The following ZNF341 variants were observed in gnomAD, a reference collection of about 807,000 sequenced individuals.
ZNF341 encodes the protein zinc finger protein 341.
ZNF341 carries 52 observed loss-of-function variants against 87.7 expected under a neutral mutation model. The observed-to-expected ratio is 0.59, with a 90% CI of 0.47 to 0.75. The LOEUF is 0.75. Ranked by LOEUF, ZNF341 falls within the 30% of genes least tolerant of loss-of-function variation. ZNF341 has a pLI of 0.00. For missense variants in ZNF341, 977 were observed against 1,145.9 expected (o/e 0.85, Z 2.13); for synonymous variants, 459 against 472.7 (o/e 0.97, Z 0.38).
Position 33,757,092 on chromosome 20 carries a change from G to A in ZNF341, c.742-56G>A, listed in dbSNP as rs1012699548. ...GGAGGCAGGGAGAGTGCCCCTGGCT[G>A]GGAGCTCTTCCCCTTCCCTGGCAGG... On this transcript the variant is annotated intron_variant, in intron 5 of 14. Transcript: ENST00000375200. The A allele has an allele frequency of 1.3e-5, 17 of 1,340,300 alleles. No homozygotes were observed. In the African/African-American group the frequency reaches 2.4e-4, roughly 19 times the overall value. The allele number at this position is 1,340,300 out of a possible 1,614,324, so 83.0% of individuals were successfully genotyped here. A position where few individuals can be genotyped will look rare whatever the true frequency, so the allele number is the denominator to read the frequency against.
chr20:33,790,072 A>T (rs1568597133), intron 14 of ZNF341, among the ~76,000 whole-genome samples: 1 of 140,910 alleles, frequency 7.1e-6, no homozygotes, highest in Non-Finnish European at 1.6e-5. Flanking sequence ...GGGCCAGATA[A>T]TTTTTTTTTT....
intron 10 of ZNF341, among the ~76,000 whole-genome samples, chr20:33,770,657 A>T (rs2019511043): frequency 6.6e-6 from 1 of 152,170 alleles, no homozygotes; most frequent in Non-Finnish European, 1.5e-5. Flanking sequence ...TTTAGCTTAC[A>T]GTCAAAGCGG....
intron 4 of ZNF341, among the ~76,000 whole-genome samples, chr20:33,751,261 T>C (rs898055019): frequency 6.6e-6 from 1 of 152,122 alleles, no homozygotes; most frequent in African/African-American, 2.4e-5. Context: ...CATAAATTTC[T>C]AGAAGTTACT....
chr20:33,791,350 G>C lies in ZNF341; in HGVS notation c.2398G>C (p.Val800Leu), dbSNP rs768698908. Residue 800 changes from valine to leucine, a missense_variant, in exon 15 of 15, where the codon GTG (valine) becomes CTG (leucine). Val to Leu is a conservative substitution (Grantham distance 32). This residue lies in a region of ZNF341 where 221 missense variants were observed against 212.7 expected (regional missense o/e 1.04). Transcript: ENST00000375200. ...GCCGCCCTTCGCAGAGCCGGACGCG[G>C]TGCTGTCCATCGTTGTGGGTGGTGC... ...GKPPFAEPDA[V>L]LSIVVGGAVG... 2 of 1,612,408 alleles carry C rather than the reference G, an allele frequency of 1.2e-6. No homozygotes were observed. The highest frequency in any genetic ancestry group is 1.7e-6 in the Non-Finnish European group (2 of 1,179,492).
chr20:33,764,654 C>A (rs1385725771), intron 8 of ZNF341, among the ~76,000 whole-genome samples: 3 of 137,796 alleles, frequency 2.2e-5, no homozygotes, highest in Non-Finnish European at 4.6e-5. Context: ...CTCAATGCAA[C>A]CTCCACCTCC....
intron 2 of ZNF341, 91 bp downstream of exon 2, chr20:33,741,103 C>G: frequency 8.2e-7 from 1 of 1,222,360 alleles, no homozygotes; most frequent in Non-Finnish European, 1.2e-6. Context: ...GAGTGAAATG[C>G]TTGCTGTGGT....
Position 33,791,189 on chromosome 20 carries a change from C to T in ZNF341, c.2237C>T (p.Pro746Leu), listed in dbSNP as rs773579457. 6.2e-7 allele frequency: 1 copy of T among 1,613,050 alleles called. No homozygotes were observed. The highest frequency in any genetic ancestry group is 8.5e-7 in the Non-Finnish European group (1 of 1,179,956). Residue 746 changes from proline to leucine, a missense_variant, in exon 15 of 15, where the codon CCC becomes CTC. This residue lies in a region of ZNF341 where 221 missense variants were observed against 212.7 expected (regional missense o/e 1.04). Coordinates refer to ENST00000375200, the MANE Select transcript of ZNF341 (RefSeq NM_001282933.2). ...GACAAGGACCTGCAAACCCGGCGGC[C>T]CCCCCAGAGGAGGGCAGCCCCCCGC... ...QKDKDLQTRR[P>L]PQRRAAPRSC...
Position 33,757,138 on chromosome 20 carries a change from G to T in ZNF341, c.742-10G>T. 1 of 1,395,942 alleles carries T rather than the reference G, an allele frequency of 7.2e-7. No homozygotes were observed. The highest frequency in any genetic ancestry group is 9.4e-7 in the Non-Finnish European group (1 of 1,065,660). 86.5% of individuals were successfully genotyped at this position (1,395,942 alleles called of 1,614,324 possible). On this transcript the variant is annotated splice_polypyrimidine_tract_variant and intron_variant, in intron 5 of 14. Transcript: ENST00000375200. Reference sequence around the variant, plus strand: ...GCAGGGCTTTTTCCCTGACTGTGTTGTCCTCCTAGGTGCCAAACCAGTGTG... The same window carrying T: ...GCAGGGCTTTTTCCCTGACTGTGTTTTCCTCCTAGGTGCCAAACCAGTGTG...
chr20:33,779,692 C>A (rs1030441570), intron 10 of ZNF341, among the ~76,000 whole-genome samples: 1 of 152,122 alleles, frequency 6.6e-6, no homozygotes, highest in Non-Finnish European at 1.5e-5. Context: ...CTCAGGTGAT[C>A]TGCCCACCTC....
intron 10 of ZNF341, among the ~76,000 whole-genome samples, chr20:33,771,771 T>C (rs753531196): frequency 1.3e-5 from 2 of 151,392 alleles, no homozygotes; most frequent in African/African-American, 4.8e-5. Flanking sequence ...ATCCTAGCAT[T>C]TGGGGAGGCT....
At chr20:33,780,513 T>G (rs2019720265) in intron 10 of ZNF341, among the ~76,000 whole-genome samples, 1 of 151,892 alleles carries the variant, frequency 6.6e-6, no homozygotes, top group African/African-American at 2.4e-5. Flanking sequence ...GTTTAAGTGA[T>G]TCTCCTGACT....
chr20:33,762,117 A>T, intron 8 of ZNF341, 62 bp downstream of exon 8: 1 of 1,463,900 alleles, frequency 6.8e-7, no homozygotes, highest in Non-Finnish European at 9.2e-7. Flanking sequence ...CACAGGTTTT[A>T]TTGCTAGCTG....
At chr20:33,755,839 C>T (rs1370538801) in intron 5 of ZNF341, among the ~76,000 whole-genome samples, 1 of 151,946 alleles carries the variant, frequency 6.6e-6, no homozygotes, top group Non-Finnish European at 1.5e-5. Context: ...AGTGATCCTC[C>T]TTCCTCGGCC....
At chr20:33,750,122 A>G (rs966255902) in intron 4 of ZNF341, among the ~76,000 whole-genome samples, 1 of 151,244 alleles carries the variant, frequency 6.6e-6, no homozygotes, top group Non-Finnish European at 1.5e-5. Context: ...CCTGGGATTT[A>G]AAAAAAAAAT....
chr20:33,770,788 A>G (rs142468474), intron 10 of ZNF341, among the ~76,000 whole-genome samples: 1 of 152,240 alleles, frequency 6.6e-6, no homozygotes, highest in African/African-American at 2.4e-5. Context: ...GCCTGGCAAC[A>G]TAATGAGACC....
chr20:33,769,768 G>T (rs1282044671), intron 9 of ZNF341, among the ~76,000 whole-genome samples: 1 of 152,170 alleles, frequency 6.6e-6, no homozygotes, highest in Non-Finnish European at 1.5e-5. Context: ...AAAATTAGCT[G>T]GGCATGGTGG....
chr20:33,772,033 AAAG>A (rs980468744), intron 10 of ZNF341, among the ~76,000 whole-genome samples: 21 of 150,108 alleles, frequency 1.4e-4, no homozygotes, highest in Non-Finnish European at 3.1e-4. Context: ...AAAAAAAAAA[AAAG>A]ATCTTCACGT....
intron 8 of ZNF341, among the ~76,000 whole-genome samples, chr20:33,764,561 ATTTTTTTTT>A (rs1164096634): frequency 6.0e-4 from 17 of 28,400 alleles, no homozygotes; most frequent in South Asian, 1.6e-3. Context: ...ATATATATAT[ATTTTTTTTT>A]TTTTTTTTTT....
At chr20:33,782,888 G>T (rs1217561063) in intron 11 of ZNF341, among the ~76,000 whole-genome samples, 1 of 152,184 alleles carries the variant, frequency 6.6e-6, no homozygotes, top group Non-Finnish European at 1.5e-5. Flanking sequence ...GGGTGTGGTG[G>T]TGGGCGCCTG....
Sources: allele counts gnomAD v4.1 joint callset (sites outside exome capture counted in the v4.1 genomes callset), GRCh38; gene constraint gnomAD v4.1.1; regional missense constraint gnomAD v4.1.1; transcripts MANE v1.5; gene names NCBI Gene and HGNC (gene_info 2026-07-23, HGNC 2026-07-21).